CTNNA2: variants seen among roughly 807,000 people sequenced by gnomAD.
CTNNA2 encodes the protein catenin alpha 2.
In CTNNA2, 42 loss-of-function variants were observed where a neutral mutation model predicts 101.0. The ratio of observed to expected loss-of-function variants is 0.42; its 90% CI spans 0.32 to 0.54. The LOEUF is 0.54. Ranked by LOEUF, CTNNA2 falls within the 20% of genes least tolerant of loss-of-function variation. The pLI is 0.14. For missense variants in CTNNA2, 871 were observed against 1,223.1 expected (o/e 0.71, Z 4.29); for synonymous variants, 450 against 456.4 (o/e 0.99, Z 0.18).
At chr2:79,617,308 G>A (rs903707026) in intron 1 of CTNNA2, among the ~76,000 whole-genome samples, 10 of 152,050 alleles carry the variant, frequency 6.6e-5, no homozygotes, top group African/African-American at 2.4e-4. Flanking sequence ...AAATTTGTCA[G>A]CCATTTCCTC....
chr2:79,852,213 T>C (rs1027031571), intron 3 of CTNNA2, among the ~76,000 whole-genome samples: 1 of 152,222 alleles, frequency 6.6e-6, no homozygotes, highest in African/African-American at 2.4e-5. Flanking sequence ...AACATATGCA[T>C]ACAGAACTGT....
rs982413504 is a variant in CTNNA2 at position 79,464,144 on chromosome 2, C to T, written c.-134-40910C>T. On this transcript the variant is annotated intron_variant, in intron 4 of 21. Transcript: ENST00000466387. Reference sequence around the variant, plus strand: ...TGCTATCCTCCCACTCCCATCACCCCACGACAGGCCCCGATGTGTGATGTT... The same window carrying T: ...TGCTATCCTCCCACTCCCATCACCCTACGACAGGCCCCGATGTGTGATGTT... Among the ~76,000 whole-genome samples, 4 of 152,110 alleles carry T rather than the reference C, an allele frequency of 2.6e-5. No individual in the cohort carries two copies. The South Asian group carries it at 6.2e-4, about 24-fold the overall frequency.
At chr2:79,477,834 C>G (rs868723268) in intron 4 of CTNNA2, among the ~76,000 whole-genome samples, 8 of 152,124 alleles carry the variant, frequency 5.3e-5, no homozygotes, top group Admixed American at 1.3e-4. Flanking sequence ...TAAACTAGCC[C>G]AACTGGTGGG....
chr2:79,491,642 C>G (rs1187684172), intron 4 of CTNNA2, among the ~76,000 whole-genome samples: 1 of 152,074 alleles, frequency 6.6e-6, no homozygotes, highest in Non-Finnish European at 1.5e-5. Context: ...TCCTTTCCAT[C>G]AGAAAGATGT....
At chr2:79,715,104 G>C (rs1001075628) in intron 2 of CTNNA2, among the ~76,000 whole-genome samples, 8 of 151,030 alleles carry the variant, frequency 5.3e-5, no homozygotes, top group African/African-American at 2.0e-4. Context: ...GTACTTGGGA[G>C]GCTGAGGCAG....
chr2:80,393,177 G>T, intron 7 of CTNNA2, 34 bp from the exon 8 acceptor site: 1 of 1,520,518 alleles, frequency 6.6e-7, no homozygotes. Flanking sequence ...CATTGAATAT[G>T]CTAAATCAGA....
At chr2:80,235,906 C>T (rs1709527365) in intron 7 of CTNNA2, among the ~76,000 whole-genome samples, 1 of 152,066 alleles carries the variant, frequency 6.6e-6, no homozygotes, top group Non-Finnish European at 1.5e-5. Context: ...ATTTCATCAC[C>T]CAGGTATGAA....
At chr2:79,369,369 A>G (rs1677818873) in intron 3 of CTNNA2, among the ~76,000 whole-genome samples, 1 of 152,162 alleles carries the variant, frequency 6.6e-6, no homozygotes, top group African/African-American at 2.4e-5. Flanking sequence ...GAGCACTGCC[A>G]GCTGCTGCTG....
At chr2:79,529,068 G>A (rs145097287) in intron 1 of CTNNA2, among the ~76,000 whole-genome samples, 44 of 152,266 alleles carry the variant, frequency 2.9e-4, no homozygotes, top group African/African-American at 9.4e-4. Flanking sequence ...TGAAGAACAT[G>A]TAAAACTTTC....
intron 18 of CTNNA2, among the ~76,000 whole-genome samples, chr2:80,619,925 G>C (rs1330256034): frequency 6.6e-6 from 1 of 151,730 alleles, no homozygotes; most frequent in South Asian, 2.1e-4. Context: ...TGTTTCATTT[G>C]GGTTTCTATA....
At chr2:79,514,569 T>C (rs796336457) in intron 1 of CTNNA2, 3 of 152,352 alleles carry the variant, frequency 2.0e-5, no homozygotes, top group African/African-American at 7.2e-5. Context: ...ACATTATACA[T>C]GTTATTGGCA....
At chr2:80,126,657 T>G (rs1702150384) in intron 7 of CTNNA2, among the ~76,000 whole-genome samples, 1 of 119,320 alleles carries the variant, frequency 8.4e-6, no homozygotes, top group African/African-American at 3.2e-5. Context: ...CCTTCCTTCC[T>G]TCCTTCCTTC....
chr2:80,303,131 G>A lies in CTNNA2; in HGVS notation c.1057-90080G>A. 1.2e-6 allele frequency: 2 copies of A among 1,614,098 alleles called. No individual in the cohort carries two copies. Among genetic ancestry groups the A allele is most frequent in the Non-Finnish European group, 1.7e-6 (2 of 1,180,044 alleles). ...GAGCGAGTGCAGGGAGATGAGGCGC[G>A]GGAAGTGGGCGAAGTTCACCTTGAC... is the stretch of plus-strand genomic sequence containing the variant. On this transcript the variant is annotated intron_variant, in intron 7 of 18. Transcript: ENST00000402739. This position sits in a 1 kb window ranked among gnomAD's most constrained non-coding sequence, Gnocchi z 7.7.
intron 1 of CTNNA2, among the ~76,000 whole-genome samples, chr2:79,601,717 G>A (rs980110655): frequency 2.0e-5 from 3 of 152,228 alleles, no homozygotes; most frequent in Non-Finnish European, 4.4e-5. Flanking sequence ...ATGAAGCGGT[G>A]TGACACAGAA....
chr2:80,599,527 C>G (rs1380258449), intron 15 of CTNNA2, among the ~76,000 whole-genome samples: 2 of 152,122 alleles, frequency 1.3e-5, no homozygotes, highest in Non-Finnish European at 2.9e-5. Flanking sequence ...ACTTTGGTCC[C>G]CTACCTCCAG....
chr2:80,312,905 A>C (rs1188577816), intron 7 of CTNNA2, among the ~76,000 whole-genome samples: 1 of 152,228 alleles, frequency 6.6e-6, no homozygotes, highest in Non-Finnish European at 1.5e-5. Context: ...ATTGCCACAT[A>C]GCACTAGTAA....
At chr2:80,560,882 G>A (rs1265904365) in intron 12 of CTNNA2, among the ~76,000 whole-genome samples, 1 of 152,136 alleles carries the variant, frequency 6.6e-6, no homozygotes, top group Admixed American at 6.5e-5. Context: ...GGTGTTTTCA[G>A]TAACACATTT....
At chr2:79,210,088 TTGTG>T (rs59836500) in intron 2 of CTNNA2, among the ~76,000 whole-genome samples, 1 of 144,778 alleles carries the variant, frequency 6.9e-6, no homozygotes, top group East Asian at 2.1e-4. Context: ...TCAAGCTATA[TTGTG>T]TGTGTGTGTG....
intron 3 of CTNNA2, among the ~76,000 whole-genome samples, chr2:79,356,383 T>C (rs1677509390): frequency 6.6e-6 from 1 of 152,182 alleles, no homozygotes; most frequent in African/African-American, 2.4e-5. Context: ...TGCAAATATT[T>C]CTTCCATTTT....
Sources: allele counts gnomAD v4.1 joint callset (sites outside exome capture counted in the v4.1 genomes callset), GRCh38; gene constraint gnomAD v4.1.1; non-coding constraint Gnocchi (gnomAD v3.1); transcripts MANE v1.5; gene names NCBI Gene and HGNC (gene_info 2026-07-23, HGNC 2026-07-21).